SLFN12L: variants seen among roughly 807,000 people sequenced by gnomAD.
The protein encoded by SLFN12L is schlafen family member 12-like.
In SLFN12L, 34 loss-of-function variants were observed where a neutral mutation model predicts 34.8. That is an observed-to-expected ratio of 0.98 (90% CI 0.74 to 1.30). SLFN12L has a LOEUF of 1.30. Ranked by LOEUF, SLFN12L falls within the 50% of genes most tolerant of loss-of-function variation. SLFN12L has a pLI of 0.00. For missense variants in SLFN12L, 703 were observed against 696.2 expected (o/e 1.01, Z -0.11); for synonymous variants, 259 against 247.5 (o/e 1.05, Z -0.44).
intron 1 of SLFN12L, among the ~76,000 whole-genome samples, chr17:35,531,715 C>T (rs59682742): frequency 0.094 from 14,305 of 152,170 alleles, 1,379 homozygotes; most frequent in African/African-American, 0.24. Context: ...CTCGCAGGTT[C>T]AAGTGAGTCT....
chr17:35,487,471 A>ACCCC lies in SLFN12L; in HGVS notation c.87-7280_87-7277dup, dbSNP rs570622363. Reference sequence around the variant, plus strand: ...CACCTCGTCCCGGAGCCCACGGACCACCCCCCCCGGACCCCCGGAATAAGA... The same window carrying ACCCC: ...CACCTCGTCCCGGAGCCCACGGACCACCCCCCCCCCCCGGACCCCCGGAATAAGA... On this transcript the variant is annotated intron_variant, in intron 2 of 4. Transcript: ENST00000628453. Among the ~76,000 whole-genome samples the ACCCC allele has an allele frequency of 2.0e-3, 302 of 149,448 alleles. 2 individuals carry two copies. The highest frequency in any genetic ancestry group is 7.0e-3 in the African/African-American group (282 of 40,436).
intron 4 of SLFN12L, among the ~76,000 whole-genome samples, chr17:35,476,462 G>C (rs1432647644): frequency 9.5e-5 from 4 of 42,076 alleles, no homozygotes; most frequent in South Asian, 1.8e-3. Flanking sequence ...AGCAAGGAAG[G>C]AAGGAAGGAA....
chr17:35,490,362 G>C, intron 2 of SLFN12L: 1 of 1,340,798 alleles, frequency 7.5e-7, no homozygotes, highest in Non-Finnish European at 1.1e-6. Context: ...CGGTACGATA[G>C]TCTCTTGATC....
At chr17:35,503,096 G>A (rs1008899826) in intron 2 of SLFN12L, among the ~76,000 whole-genome samples, 1 of 152,200 alleles carries the variant, frequency 6.6e-6, no homozygotes, top group Non-Finnish European at 1.5e-5. Context: ...AGACAGTTTT[G>A]TGCAAGGTGT....
chr17:35,492,586 G>A (rs2142141812), intron 2 of SLFN12L, among the ~76,000 whole-genome samples: 1 of 152,306 alleles, frequency 6.6e-6, no homozygotes, highest in African/African-American at 2.4e-5. Context: ...CTTCCTCTAT[G>A]AAGGAATAAG....
At position 35,522,315 on chromosome 17, in the gene SLFN12L, T is replaced by C; in HGVS notation, c.50A>G (p.Tyr17Cys). 1 of 1,614,194 alleles carries C rather than the reference T, an allele frequency of 6.2e-7. No individual in the cohort carries two copies. The highest frequency in any genetic ancestry group is 8.5e-7 in the Non-Finnish European group (1 of 1,180,016). Residue 17 changes from tyrosine (Y) to cysteine (C), a missense_variant, in exon 2 of 5, where the codon TAC (tyrosine) becomes TGC (cysteine). Tyr to Cys is a radical substitution (Grantham distance 194). Coordinates refer to ENST00000628453, the MANE Select transcript of SLFN12L (RefSeq NM_001363830.2). ...CCTCAGAAACTGACTTTCACAAATG[T>C]AGAGAATTCTGTGTGCCTCACAGTG... Reference protein sequence around the residue: ...VFHCEAHRILYICESQFLRNF... With the variant: ...VFHCEAHRILCICESQFLRNF...
intron 2 of SLFN12L, among the ~76,000 whole-genome samples, chr17:35,502,768 C>T (rs2083821): frequency 0.033 from 5,042 of 152,200 alleles, 118 homozygotes; most frequent in South Asian, 0.12. Context: ...ATCTTGTGGC[C>T]TTAGACAGTC....
Position 35,522,501 on chromosome 17 carries a change from T to G in SLFN12L, c.-137A>C. On this transcript the variant is annotated 5_prime_UTR_variant, in exon 2 of 5. The change abolishes the stop of an existing upstream ORF in the 5' untranslated region. Transcript: ENST00000628453. ...ATTTAAAACCTCATAGCTGCACAGG[T>G]CACTCAAGAGAGACCTGAAGCCGAG... 1 of 1,613,212 alleles carries G rather than the reference T, an allele frequency of 6.2e-7. No homozygotes were observed. Among genetic ancestry groups the G allele is most frequent in the Non-Finnish European group, 8.5e-7 (1 of 1,179,550 alleles).
intron 1 of SLFN12L, among the ~76,000 whole-genome samples, chr17:35,533,753 G>A (rs2072432708): frequency 6.6e-6 from 1 of 152,158 alleles, no homozygotes; most frequent in Non-Finnish European, 1.5e-5. Context: ...TGTCTGGTAA[G>A]CCACTTTAAG....
intron 2 of SLFN12L, among the ~76,000 whole-genome samples, chr17:35,500,874 C>T (rs1329779363): frequency 2.6e-5 from 4 of 152,178 alleles, no homozygotes; most frequent in Non-Finnish European, 4.4e-5. Context: ...GTCATATACC[C>T]CACTGCTTGC....
chr17:35,486,800 TG>T (rs2142136248), intron 2 of SLFN12L, among the ~76,000 whole-genome samples: 1 of 152,228 alleles, frequency 6.6e-6, no homozygotes, highest in African/African-American at 2.4e-5. Context: ...TTAATGGGAA[TG>T]GGGGTGGCAT....
intron 2 of SLFN12L, among the ~76,000 whole-genome samples, chr17:35,520,049 G>A (rs940616076): frequency 2.0e-5 from 3 of 152,042 alleles, no homozygotes; most frequent in Non-Finnish European, 4.4e-5. Context: ...TTGTAAATAG[G>A]ACCTAAAGCC....
At chr17:35,502,824 T>A (rs1449385465) in intron 2 of SLFN12L, among the ~76,000 whole-genome samples, 2 of 152,132 alleles carry the variant, frequency 1.3e-5, no homozygotes, top group Non-Finnish European at 2.9e-5. Context: ...AGAACGGTTA[T>A]CTTCAGGAAA....
chr17:35,535,897 C>T (rs367722708), intron 1 of SLFN12L, among the ~76,000 whole-genome samples: 9 of 152,180 alleles, frequency 5.9e-5, no homozygotes, highest in African/African-American at 2.2e-4. Context: ...CTCAAATGAT[C>T]CACCTTCCTC....
chr17:35,515,256 G>C (rs912286428), intron 2 of SLFN12L: 10 of 455,732 alleles, frequency 2.2e-5, no homozygotes, highest in African/African-American at 1.8e-4. Context: ...CAAACCATCC[G>C]AGCACAGGGA....
In SLFN12L at chr17:35,530,524, AAAG is replaced by A. The variant is rs1259944700; in HGVS notation, c.-606+7046_-606+7048del. On this transcript the variant is annotated intron_variant, in intron 1 of 4. Transcript: ENST00000628453. The stretch of plus-strand genomic sequence containing the variant: ...AGAAAGAAAGAAAGAAAAGAAAAGA[AAAG>A]AAAAGAAAAGAAAAGAAAGAAAGAA... 8.4e-4 allele frequency among the ~76,000 whole-genome samples: 36 copies of A among 42,636 alleles called. 3 individuals are homozygous for A. The highest frequency in any genetic ancestry group is 1.8e-3 in the African/African-American group (22 of 12,528). 28.0% of individuals were successfully genotyped at this position (42,636 alleles called of 152,430 possible). A position where few individuals can be genotyped will look rare whatever the true frequency, so the allele number is the denominator to read the frequency against.
intron 2 of SLFN12L, among the ~76,000 whole-genome samples, chr17:35,516,245 T>C (rs1326110331): frequency 1.3e-5 from 2 of 152,188 alleles, no homozygotes; most frequent in Non-Finnish European, 1.5e-5. Context: ...ATCAAAAAGG[T>C]TGGGGTCCCT....
chr17:35,502,526 A>G (rs1877664717), intron 2 of SLFN12L, among the ~76,000 whole-genome samples: 1 of 151,908 alleles, frequency 6.6e-6, no homozygotes, highest in African/African-American at 2.4e-5. Flanking sequence ...TTACCATACA[A>G]AGGTCCGACC....
At chr17:35,476,725 C>T (rs1024286893) in intron 4 of SLFN12L, among the ~76,000 whole-genome samples, 13 of 151,334 alleles carry the variant, frequency 8.6e-5, no homozygotes, top group South Asian at 2.1e-4. Flanking sequence ...AGCTACTATA[C>T]CTAGAAAAGC....
Sources: allele counts gnomAD v4.1 joint callset (sites outside exome capture counted in the v4.1 genomes callset), GRCh38; gene constraint gnomAD v4.1.1; transcripts MANE v1.5; gene names NCBI Gene and HGNC (gene_info 2026-07-23, HGNC 2026-07-21).